UST: variants seen among roughly 807,000 people sequenced by gnomAD.
UST encodes the protein chondroitin sulfate 2-O-sulfotransferase.
A neutral mutation model predicts 45.6 loss-of-function variants in UST; 21 were observed. The observed-to-expected ratio is 0.46, with a 90% CI of 0.33 to 0.66. The LOEUF (loss-of-function observed/expected upper bound fraction) is 0.66, where lower values mean the gene tolerates loss of function less well. UST is among the 30% of genes least tolerant of loss of function. UST has a pLI of 0.02. For missense variants in UST, 463 were observed against 512.4 expected, an observed-to-expected ratio of 0.90 and a Z score of 0.93; for synonymous variants, 215 against 200.6, an observed-to-expected ratio of 1.07 and a Z score of -0.61.
At chr6:148,864,972 G>C (rs1562281362) in intron 1 of UST, among the ~76,000 whole-genome samples, 1 of 152,148 alleles carries the variant, frequency 6.6e-6, no homozygotes, top group Non-Finnish European at 1.5e-5. Flanking sequence ...ATTCATAAAA[G>C]ATTTAAAATC....
At chr6:148,749,690 T>C (rs1775950625) in intron 1 of UST, among the ~76,000 whole-genome samples, 1 of 152,208 alleles carries the variant, frequency 6.6e-6, no homozygotes, top group Admixed American at 6.5e-5. Context: ...ATATATTGCA[T>C]TAACATTTTC....
intron 1 of UST, among the ~76,000 whole-genome samples, chr6:148,876,871 G>A (rs1413501556): frequency 4.0e-5 from 6 of 151,096 alleles, no homozygotes; most frequent in African/African-American, 1.5e-4. Flanking sequence ...AGCCTGGAAA[G>A]AGGGGGTGCG....
intron 7 of UST, among the ~76,000 whole-genome samples, chr6:149,056,181 GT>G (rs1562341742): frequency 7.3e-6 from 1 of 137,922 alleles, no homozygotes; most frequent in Non-Finnish European, 1.5e-5. Context: ...GTGCGGTGGC[GT>G]TAGCTCACTG....
intron 5 of UST, among the ~76,000 whole-genome samples, chr6:149,001,569 A>G (rs1164694588): frequency 6.6e-6 from 1 of 152,226 alleles, no homozygotes; most frequent in Non-Finnish European, 1.5e-5. Context: ...ATGACAGTAC[A>G]GTAATATCTT....
chr6:148,760,502 A>G (rs375910138), intron 1 of UST, among the ~76,000 whole-genome samples: 8 of 152,334 alleles, frequency 5.3e-5, no homozygotes, highest in African/African-American at 1.7e-4. Context: ...ATTGGACTTT[A>G]TAGTCTTCAA....
At chr6:148,783,754 T>C (rs1264108328) in intron 1 of UST, among the ~76,000 whole-genome samples, 1 of 152,182 alleles carries the variant, frequency 6.6e-6, no homozygotes, top group Non-Finnish European at 1.5e-5. Context: ...CTGAAATAAC[T>C]ACACATTTCC....
intron 1 of UST, among the ~76,000 whole-genome samples, chr6:148,822,522 A>G (rs879194697): frequency 1.3e-5 from 2 of 152,238 alleles, no homozygotes; most frequent in Admixed American, 6.5e-5. Flanking sequence ...GACTGAATGT[A>G]TAGAAAGAGA....
At chr6:148,769,247 T>C (rs184439134) in intron 1 of UST, among the ~76,000 whole-genome samples, 2 of 152,336 alleles carry the variant, frequency 1.3e-5, no homozygotes, top group East Asian at 3.9e-4. Context: ...AGCTAGATGG[T>C]GATCATTTGT....
At chr6:148,872,066 C>T (rs1359215376) in intron 1 of UST, among the ~76,000 whole-genome samples, 2 of 152,196 alleles carry the variant, frequency 1.3e-5, no homozygotes, top group African/African-American at 2.4e-5. Flanking sequence ...TGTGCATGCA[C>T]GTGCATGTCG....
At chr6:148,989,221 C>G (rs376843464) in intron 5 of UST, among the ~76,000 whole-genome samples, 1 of 128,322 alleles carries the variant, frequency 7.8e-6, no homozygotes, top group Non-Finnish European at 1.7e-5. Flanking sequence ...CCCCCCCCAC[C>G]CCCCGCAAAT....
At position 148,765,235 on chromosome 6, in the gene UST, T is replaced by C. The variant is rs1468245424; in HGVS notation, c.247+17558T>C. On this transcript the variant is annotated intron_variant, in intron 1 of 7. Coordinates refer to ENST00000367463, the MANE Select transcript of UST (RefSeq NM_005715.3). ...ATTGAATAGGGTATCCTTTCCCCAT[T>C]GTATATTTTTGCCAACTTTGTTTAC... is the stretch of plus-strand genomic sequence containing the variant. Among the ~76,000 whole-genome samples the C allele has an allele frequency of 2.0e-5, 3 of 152,152 alleles. No homozygotes were observed. The South Asian group carries it at 6.2e-4, about 32-fold the overall frequency.
intron 5 of UST, among the ~76,000 whole-genome samples, chr6:149,011,227 G>A (rs989031617): frequency 6.6e-6 from 1 of 152,174 alleles, no homozygotes; most frequent in African/African-American, 2.4e-5. Context: ...GACAAATTTT[G>A]CAAGTTCTCA....
At chr6:148,759,212 G>A (rs989098214) in intron 1 of UST, among the ~76,000 whole-genome samples, 1 of 152,154 alleles carries the variant, frequency 6.6e-6, no homozygotes, top group Admixed American at 6.5e-5. Flanking sequence ...GGCCAGGAGA[G>A]GGAGAAAGGG....
At chr6:148,978,845 T>A (rs2500517) in intron 5 of UST, among the ~76,000 whole-genome samples, 54,143 of 150,650 alleles carry the variant, frequency 0.36, 9,640 homozygotes, top group South Asian at 0.44. Flanking sequence ...AAAAATTTTT[T>A]TAAAAAAAAA....
chr6:148,828,202 G>A (rs554721593), intron 1 of UST, among the ~76,000 whole-genome samples: 3 of 151,518 alleles, frequency 2.0e-5, no homozygotes, highest in East Asian at 3.9e-4. Flanking sequence ...TCTGATAGTG[G>A]ATGCTCCTAA....
intron 5 of UST, among the ~76,000 whole-genome samples, chr6:148,972,049 C>T (rs1047274879): frequency 6.6e-6 from 1 of 152,186 alleles, no homozygotes; most frequent in African/African-American, 2.4e-5. Flanking sequence ...ATTACAAAGA[C>T]ATTGAAGACT....
At chr6:148,890,291 T>C (rs899771481) in intron 2 of UST, among the ~76,000 whole-genome samples, 1 of 152,138 alleles carries the variant, frequency 6.6e-6, no homozygotes, top group Non-Finnish European at 1.5e-5. Context: ...GTCCCTTAAG[T>C]GTCCCCTGGG....
intron 2 of UST, among the ~76,000 whole-genome samples, chr6:148,905,346 A>G (rs1044384767): frequency 6.6e-6 from 1 of 152,172 alleles, no homozygotes; most frequent in South Asian, 2.1e-4. Context: ...AGCCTAGTGA[A>G]AGGCAGACTG....
chr6:148,994,799 G>A (rs1038915782), intron 5 of UST, among the ~76,000 whole-genome samples: 1 of 151,952 alleles, frequency 6.6e-6, no homozygotes, highest in African/African-American at 2.4e-5. Context: ...GCTCACTGCA[G>A]TTTCTCTTTC....
Sources: gnomAD v4.1 joint callset for allele counts (sites outside exome capture counted in the v4.1 genomes callset) on GRCh38, gnomAD v4.1.1 for gene constraint, MANE v1.5 for transcripts, NCBI Gene and HGNC (gene_info 2026-07-23, HGNC 2026-07-21) for gene names.